The following ARHGEF7 variants were observed in gnomAD, a reference collection of about 807,000 sequenced individuals.
ARHGEF7 encodes Rho guanine nucleotide exchange factor 7, also known as PAK-interacting exchange factor beta.
In ARHGEF7, 33 loss-of-function variants were observed where a neutral mutation model predicts 109.8. That is an observed-to-expected ratio of 0.30 (90% CI 0.23 to 0.40). The LOEUF (loss-of-function observed/expected upper bound fraction) is 0.40, where lower values mean the gene tolerates loss of function less well. Among genes scored for constraint, ARHGEF7 ranks in the 10% least tolerant of loss-of-function variants. The pLI is 1.00. For missense variants in ARHGEF7, 938 were observed against 1,098.5 expected, an observed-to-expected ratio of 0.85 and a Z score of 2.07; for synonymous variants, 458 against 424.6, an observed-to-expected ratio of 1.08 and a Z score of -0.97.
intron 8 of ARHGEF7, among the ~76,000 whole-genome samples, chr13:111,248,041 T>C (rs55792362): frequency 0.037 from 5,564 of 152,336 alleles, 269 homozygotes; most frequent in Admixed American, 0.14. Flanking sequence ...GTGTCATTTT[T>C]CTTCAGGCAG....
At chr13:111,222,889 C>T (rs576600646) in intron 5 of ARHGEF7, among the ~76,000 whole-genome samples, 12 of 152,308 alleles carry the variant, frequency 7.9e-5, no homozygotes, top group African/African-American at 2.9e-4. Flanking sequence ...TTACAAGTAC[C>T]TGCAGTCAAC....
intron 1 of ARHGEF7, among the ~76,000 whole-genome samples, chr13:111,137,244 T>G (rs1566611911): frequency 6.6e-6 from 1 of 152,268 alleles, no homozygotes; most frequent in East Asian, 1.9e-4. Context: ...ACTCATTGTA[T>G]GAGGAGAATC....
At position 111,283,175 on chromosome 13, in the gene ARHGEF7, G is replaced by A. The variant is rs1260891170; in HGVS notation, c.1762G>A (p.Ala588Thr). The A allele has an allele frequency of 2.5e-6, 4 of 1,596,040 alleles. No homozygotes were observed. The highest frequency in any genetic ancestry group is 1.7e-5 in the Admixed American group (1 of 57,226). Residue 588 changes from alanine to threonine, a missense_variant, in exon 16 of 22, where the codon GCA becomes ACA. By Grantham distance (58) the Ala-to-Thr change is moderately conservative (BLOSUM62 0). Around this residue, in one of 4 missense-constraint regions of ARHGEF7, gnomAD observed 585 missense variants for 723.6 expected, o/e 0.81. Transcript: ENST00000646102. The part of the protein sequence containing the change: ...SHPVTPSSKH[A>T]DSKPAPLTPA... ...CCCGGTCACTCCGTCCAGCAAGCAC[G>A]CAGACAGCAAGCCCGCGCCGCTGAC...
intron 4 of ARHGEF7, among the ~76,000 whole-genome samples, chr13:111,214,678 G>A (rs916527393): frequency 3.3e-5 from 5 of 152,236 alleles, no homozygotes; most frequent in Non-Finnish European, 7.3e-5. Flanking sequence ...CCTGCCCCTT[G>A]TTGGTCACAG....
In ARHGEF7 at chr13:111,115,708, G is replaced by C; in HGVS notation, c.165+17G>C. 10 of 1,139,934 alleles carry C rather than the reference G, an allele frequency of 8.8e-6. No homozygotes were observed. Among genetic ancestry groups the C allele is most frequent in the Non-Finnish European group, 1.1e-5 (10 of 927,650 alleles). The allele number at this position is 1,139,934 out of a possible 1,614,324, so 70.6% of individuals were successfully genotyped here. A position where few individuals can be genotyped will look rare whatever the true frequency, so the allele number is the denominator to read the frequency against. ...ATCGAGAAAGTAAGTCCCGGCCCGC[G>C]CCCCCGCCCGCGCCCCCCGGTCCGG... On this transcript the variant is annotated intron_variant, in intron 1 of 21. Transcript: ENST00000646102.
intron 2 of ARHGEF7, among the ~76,000 whole-genome samples, chr13:111,157,591 T>G (rs976344808): frequency 1.3e-5 from 2 of 151,760 alleles, no homozygotes; most frequent in Non-Finnish European, 2.9e-5. Context: ...AAAATGATGA[T>G]GATGATGATG....
At chr13:111,294,173 A>G in intron 19 of ARHGEF7, 1 of 985,450 alleles carries the variant, frequency 1.0e-6, no homozygotes, top group Non-Finnish European at 1.2e-6. Context: ...GGATTTTTGG[A>G]GAAATAAGAT....
intron 2 of ARHGEF7, among the ~76,000 whole-genome samples, chr13:111,196,614 A>C (rs1194710521): frequency 6.6e-6 from 1 of 152,114 alleles, no homozygotes; most frequent in Non-Finnish European, 1.5e-5. Context: ...AAGGGGACAT[A>C]ACCGATAGCC....
Position 111,142,281 on chromosome 13 carries a change from A to G in ARHGEF7, c.166-11624A>G, listed in dbSNP as rs2075381906. 3.7e-5 allele frequency among the ~76,000 whole-genome samples: 3 copies of G among 81,584 alleles called. No individual in the cohort carries two copies. In the South Asian group the frequency reaches 1.2e-3, roughly 34 times the overall value. 53.5% of individuals were successfully genotyped at this position (81,584 alleles called of 152,430 possible). A position where few individuals can be genotyped will look rare whatever the true frequency, so the allele number is the denominator to read the frequency against. ...GGTGGCTTGTCTTCTTGTTCTCTCA[A>G]GGACTTCGGCTTTTCCTGAGTGAAA... On this transcript the variant is annotated intron_variant, in intron 1 of 21. Coordinates refer to ENST00000646102, the MANE Select transcript of ARHGEF7 (RefSeq NM_001354046.2).
At chr13:111,283,096 G>C (rs370739450) in intron 15 of ARHGEF7, 43 bp from the exon 16 acceptor site, 20 of 1,551,046 alleles carry the variant, frequency 1.3e-5, no homozygotes, top group Admixed American at 2.0e-5. Context: ...GTGAGCACGC[G>C]AGTCTCATGT....
chr13:111,296,378 G>A (rs1334871110), intron 19 of ARHGEF7, among the ~76,000 whole-genome samples: 5 of 152,112 alleles, frequency 3.3e-5, no homozygotes, highest in African/African-American at 1.2e-4. Context: ...GGTGCCCCCT[G>A]GGGTCTCCAG....
chr13:111,220,742 C>T (rs2083734687), intron 5 of ARHGEF7, among the ~76,000 whole-genome samples: 1 of 152,038 alleles, frequency 6.6e-6, no homozygotes, highest in Non-Finnish European at 1.5e-5. Context: ...AAACATGGCT[C>T]TCATGAGGAA....
intron 4 of ARHGEF7, among the ~76,000 whole-genome samples, chr13:111,215,378 T>G (rs1001947817): frequency 2.0e-5 from 3 of 152,068 alleles, no homozygotes; most frequent in African/African-American, 7.2e-5. Context: ...GCCCTTTTTT[T>G]TTGTTTTTCC....
rs540371819 is a variant in ARHGEF7, at chr13:111,121,278, C to T, written c.165+5587C>T. Among the ~76,000 whole-genome samples, 10 of 152,308 alleles carry T rather than the reference C, an allele frequency of 6.6e-5. No homozygotes were observed. In the East Asian group the frequency reaches 9.6e-4, roughly 15 times the overall value. ...CTGTGTCTGGGCCTTTCTCCCCGGC[C>T]GCAGAACGTGTGTTCCGTGTTCCTG... is the stretch of plus-strand genomic sequence containing the variant. On this transcript the variant is annotated intron_variant, in intron 1 of 21. Coordinates refer to ENST00000646102, the MANE Select transcript of ARHGEF7 (RefSeq NM_001354046.2).
intron 4 of ARHGEF7, among the ~76,000 whole-genome samples, chr13:111,217,435 G>T (rs2083277594): frequency 6.6e-6 from 1 of 152,212 alleles, no homozygotes; most frequent in Non-Finnish European, 1.5e-5. Flanking sequence ...ACATGGATGT[G>T]TCTGATTAGG....
At chr13:111,156,376 T>A (rs886758380) in intron 2 of ARHGEF7, among the ~76,000 whole-genome samples, 3 of 152,250 alleles carry the variant, frequency 2.0e-5, no homozygotes, top group Non-Finnish European at 4.4e-5. Context: ...TTGTGCTATT[T>A]TTAAAGAGTA....
At chr13:111,252,461 T>A (rs2089900022) in intron 8 of ARHGEF7, among the ~76,000 whole-genome samples, 1 of 152,218 alleles carries the variant, frequency 6.6e-6, no homozygotes, top group Non-Finnish European at 1.5e-5. Context: ...AGATGTCCAG[T>A]ACAGAAGACA....
intron 1 of ARHGEF7, among the ~76,000 whole-genome samples, chr13:111,127,961 T>G (rs547668610): frequency 6.6e-6 from 1 of 152,246 alleles, no homozygotes; most frequent in Non-Finnish European, 1.5e-5. Context: ...ATCCAGAGGA[T>G]TATCTCAATG....
chr13:111,238,675 GA>G, intron 6 of ARHGEF7, among the ~76,000 whole-genome samples: 1 of 152,144 alleles, frequency 6.6e-6, no homozygotes, highest in South Asian at 2.1e-4. Flanking sequence ...TCCTGATGGG[GA>G]TCAAAGGAAG....
Sources: allele counts gnomAD v4.1 joint callset (sites outside exome capture counted in the v4.1 genomes callset), GRCh38; gene constraint gnomAD v4.1.1; regional missense constraint gnomAD v4.1.1; transcripts MANE v1.5; gene names NCBI Gene and HGNC (gene_info 2026-07-23, HGNC 2026-07-21).